CDHR2: variants seen among roughly 807,000 people sequenced by gnomAD.
The protein encoded by CDHR2 is cadherin related family member 2, also known as cadherin-related family member 2.
CDHR2 carries 104 observed loss-of-function variants against 138.6 expected under a neutral mutation model. The observed-to-expected ratio is 0.75, with a 90% CI of 0.64 to 0.88. The LOEUF is 0.88. Among genes scored for constraint, CDHR2 ranks in the 40% least tolerant of loss-of-function variants. The probability of loss-of-function intolerance (pLI) is 0.00; values close to 1 mark genes in which losing one functional copy is unlikely to be tolerated. For synonymous variants in CDHR2, 755 were observed against 742.8 expected (o/e 1.02, Z -0.27); for missense variants, 1,624 against 1,727.6 (o/e 0.94, Z 1.06).
chr5:176,584,441 C>T lies in CDHR2; in HGVS notation c.2160C>T (p.Asp720=), dbSNP rs116406807. 4.1e-4 allele frequency: 659 copies of T among 1,602,128 alleles called. 1 individual carries two copies. The African/African-American group carries it at 7.6e-3, about 18-fold the overall frequency. ...GVLVGVVKAW[D]ADQTEANNRI... ...TAGTGGGCGTGGTGAAGGCCTGGGA[C>T]GCGGACCAGACGGAAGCCAACAACC... The change falls in exon 19 of 32, where the codon GAC becomes GAT. Residue 720 remains aspartate, a synonymous_variant. Coordinates refer to ENST00000261944, the MANE Select transcript of CDHR2 (RefSeq NM_017675.6).
chr5:176,548,981 C>T (rs1757646027), upstream of CDHR2, among the ~76,000 whole-genome samples: 1 of 152,116 alleles, frequency 6.6e-6, no homozygotes, highest in East Asian at 1.9e-4. Context: ...TGACTCAATC[C>T]CCCACTTGTC....
At chr5:176,589,680 C>T in intron 24 of CDHR2, 64 bp downstream of exon 24, 1 of 1,402,348 alleles carries the variant, frequency 7.1e-7, no homozygotes, top group Non-Finnish European at 1.0e-6. Flanking sequence ...TGGTCCCCGA[C>T]AAAACCTGGA....
chr5:176,579,960 G>A (rs926073680), intron 16 of CDHR2, among the ~76,000 whole-genome samples: 1 of 152,184 alleles, frequency 6.6e-6, no homozygotes, highest in Admixed American at 6.5e-5. Flanking sequence ...ACCTGGCCTG[G>A]AGTCAGGCAG....
In CDHR2 at chr5:176,591,341, G is replaced by T; in HGVS notation, c.3653+18G>T. ...ACTGAGCGGTGAGCAGGGGTCAAAG[G>T]GTAGGTAAGAGGCCTGGTGGGGTGG... On this transcript the variant is annotated intron_variant, in intron 29 of 31. Coordinates refer to ENST00000261944, the MANE Select transcript of CDHR2 (RefSeq NM_017675.6). 6.2e-7 allele frequency: 1 copy of T among 1,611,620 alleles called. No individual in the cohort carries two copies. The highest frequency in any genetic ancestry group is 2.2e-5 in the East Asian group (1 of 44,888).
At chr5:176,580,846 C>T (rs1758514878) in intron 16 of CDHR2, among the ~76,000 whole-genome samples, 1 of 152,114 alleles carries the variant, frequency 6.6e-6, no homozygotes, top group African/African-American at 2.4e-5. Context: ...CACCATTGCA[C>T]TCCAGCCTGG....
At position 176,581,590 on chromosome 5, in the gene CDHR2, C is replaced by T. The variant is rs1309279150; in HGVS notation, c.2058+8C>T. On this transcript the variant is annotated splice_region_variant and intron_variant, in intron 17 of 31. Coordinates refer to ENST00000261944, the MANE Select transcript of CDHR2 (RefSeq NM_017675.6). The stretch of plus-strand genomic sequence containing the variant: ...GTCACCATCACTGTGGAGGTAAGGC[C>T]TCGCTTAGCCAGGATGGGCCTGGGG... 2 of 1,611,422 alleles carry T rather than the reference C, an allele frequency of 1.2e-6. No individual in the cohort carries two copies. Among genetic ancestry groups the T allele is most frequent in the Middle Eastern group, 1.6e-4 (1 of 6,072 alleles).
At chr5:176,563,927 C>T (rs954219715) in intron 1 of CDHR2, among the ~76,000 whole-genome samples, 8 of 152,078 alleles carry the variant, frequency 5.3e-5, no homozygotes, top group Admixed American at 2.6e-4. Context: ...AAAAACTGGG[C>T]ACAGTGGCAC....
At chr5:176,589,307 C>A in intron 22 of CDHR2, 23 bp from the exon 23 acceptor site, 1 of 1,557,210 alleles carries the variant, frequency 6.4e-7, no homozygotes, top group South Asian at 1.2e-5. Context: ...CCAAGACTGA[C>A]CTGCGCCTCC....
intron 1 of CDHR2, among the ~76,000 whole-genome samples, chr5:176,551,955 C>T (rs947108563): frequency 2.0e-5 from 3 of 152,044 alleles, no homozygotes; most frequent in Admixed American, 6.6e-5. Flanking sequence ...ACCCCGACCC[C>T]GTAATCGGCC....
At chr5:176,565,539 G>A in intron 2 of CDHR2, 133 bp from the exon 3 acceptor site, 2 of 1,219,578 alleles carry the variant, frequency 1.6e-6, no homozygotes, top group Non-Finnish European at 2.4e-6. Context: ...AAGCTGGGGA[G>A]GCCTGGGGAG....
chr5:176,579,918 C>T (rs148519861), intron 16 of CDHR2, among the ~76,000 whole-genome samples: 32 of 152,318 alleles, frequency 2.1e-4, no homozygotes, highest in African/African-American at 7.7e-4. Context: ...GCGGTGTCAC[C>T]TGTGCTATGT....
chr5:176,590,403 C>G (rs1758812995), intron 26 of CDHR2, 22 bp from the exon 27 acceptor site: 1 of 1,614,130 alleles, frequency 6.2e-7, no homozygotes, highest in Non-Finnish European at 8.5e-7. Flanking sequence ...TCCCTCGGGC[C>G]TAAGTGGAGT....
At position 176,590,503 on chromosome 5, in the gene CDHR2, G is replaced by A. The variant is rs751094393; in HGVS notation, c.3414+18G>A. 1.2e-5 allele frequency: 20 copies of A among 1,613,834 alleles called. No individual in the cohort carries two copies. The Middle Eastern group carries it at 5.0e-4, about 40-fold the overall frequency. On this transcript the variant is annotated intron_variant, in intron 27 of 31. Transcript: ENST00000261944. ...TGGTGCTGGTGAGTGCGGGCAGGGC[G>A]GGGCAGCAGGTGGGGCTGCTGAAGA...
Position 176,549,666 on chromosome 5 carries a change from A to T in CDHR2, c.-16+252A>T, listed in dbSNP as rs7733701. On this transcript the variant is annotated intron_variant, in intron 1 of 31. Coordinates refer to ENST00000261944, the MANE Select transcript of CDHR2 (RefSeq NM_017675.6). ...GGCCCCCTTCCCATCCAAGTCCTCAAGGGATGATTCTTCAGAGGATGGAAG... is the reference window on the plus strand; with the variant it reads ...GGCCCCCTTCCCATCCAAGTCCTCATGGGATGATTCTTCAGAGGATGGAAG... 5.3e-4 allele frequency among the ~76,000 whole-genome samples: 81 copies of T among 152,238 alleles called. No individual in the cohort carries two copies. In the East Asian group the frequency reaches 7.0e-3, roughly 13 times the overall value.
At chr5:176,563,606 G>T (rs1163209098) in intron 1 of CDHR2, among the ~76,000 whole-genome samples, 3 of 152,182 alleles carry the variant, frequency 2.0e-5, no homozygotes, top group Non-Finnish European at 2.9e-5. Context: ...TATTGCCACG[G>T]AATGTCTATT....
upstream of CDHR2, among the ~76,000 whole-genome samples, chr5:176,548,707 C>T (rs1354468373): frequency 1.3e-5 from 2 of 151,978 alleles, no homozygotes; most frequent in Non-Finnish European, 2.9e-5. Flanking sequence ...TGTGCCACTT[C>T]ACTCCAGCCT....
At position 176,592,909 on chromosome 5, in the gene CDHR2, G is replaced by A. The variant is rs1758924097; in HGVS notation, c.3792+129G>A. ...GCTTCTCTGCACCAGGCCCCAGGAA[G>A]CCCTGTGGCTTTGGAATGGGGTCCA... On this transcript the variant is annotated intron_variant, in intron 31 of 31. Coordinates refer to ENST00000261944, the MANE Select transcript of CDHR2 (RefSeq NM_017675.6). 8.7e-6 allele frequency: 7 copies of A among 808,496 alleles called. No homozygotes were observed. In the East Asian group the frequency reaches 1.8e-4, roughly 20 times the overall value. 50.1% of individuals were successfully genotyped at this position (808,496 alleles called of 1,614,324 possible).
chr5:176,566,641 G>A lies in CDHR2; in HGVS notation c.124+898G>A, dbSNP rs551324695. Reference sequence around the variant, plus strand: ...CAGCCTTCTTCCCGCTCAGTGGCCCGACTTCCCTAAGGCACAGGTCCCACC... The same window carrying A: ...CAGCCTTCTTCCCGCTCAGTGGCCCAACTTCCCTAAGGCACAGGTCCCACC... On this transcript the variant is annotated intron_variant, in intron 3 of 31. Transcript: ENST00000261944. Among the ~76,000 whole-genome samples the A allele has an allele frequency of 3.9e-5, 6 of 152,182 alleles. No individual in the cohort carries two copies. The South Asian group carries it at 8.3e-4, about 21-fold the overall frequency.
intron 3 of CDHR2, among the ~76,000 whole-genome samples, 181 bp downstream of exon 3, chr5:176,565,924 G>A (rs1475936894): frequency 6.6e-6 from 1 of 152,208 alleles, no homozygotes; most frequent in African/African-American, 2.4e-5. Context: ...TCTGGGTCAA[G>A]AGCAGTGTCC....
Sources: gnomAD v4.1 joint callset for allele counts (sites outside exome capture counted in the v4.1 genomes callset) on GRCh38, gnomAD v4.1.1 for gene constraint, MANE v1.5 for transcripts, NCBI Gene and HGNC (gene_info 2026-07-23, HGNC 2026-07-21) for gene names.